The following FRMD4A variants were observed in gnomAD, a reference collection of about 807,000 sequenced individuals.
The protein encoded by FRMD4A is FERM domain-containing protein 4A.
Under a neutral mutation model 129.1 loss-of-function variants are expected in FRMD4A, and 29 were observed. The observed-to-expected ratio is 0.22, with a 90% CI of 0.17 to 0.31. The LOEUF (loss-of-function observed/expected upper bound fraction) is 0.31. FRMD4A is among the 10% of genes least tolerant of loss of function. The probability of loss-of-function intolerance (pLI) is 1.00; values close to 1 mark genes in which losing one functional copy is unlikely to be tolerated. For synonymous variants in FRMD4A, 634 were observed against 571.6 expected (o/e 1.11, Z -1.56); for missense variants, 1,272 against 1,375.8 (o/e 0.92, Z 1.19).
chr10:14,307,029 A>G (rs1846377272), intron 2 of FRMD4A, among the ~76,000 whole-genome samples: 1 of 152,234 alleles, frequency 6.6e-6, no homozygotes, highest in Non-Finnish European at 1.5e-5. Context: ...TGCAAAACAT[A>G]TGAAATGCAA....
chr10:14,277,994 C>T (rs935994264), intron 2 of FRMD4A, among the ~76,000 whole-genome samples: 1 of 152,152 alleles, frequency 6.6e-6, no homozygotes, highest in Non-Finnish European at 1.5e-5. Flanking sequence ...TGCTCAGTTC[C>T]CCCAGTGCCT....
intron 2 of FRMD4A, among the ~76,000 whole-genome samples, chr10:14,129,312 C>T (rs936479435): frequency 3.5e-5 from 5 of 144,882 alleles, no homozygotes; most frequent in Admixed American, 2.1e-4. Flanking sequence ...ACAAAAAAAT[C>T]GCTCTGAGAG....
intron 2 of FRMD4A, among the ~76,000 whole-genome samples, chr10:14,162,828 G>A (rs945133655): frequency 6.6e-6 from 1 of 151,960 alleles, no homozygotes; most frequent in African/African-American, 2.4e-5. Context: ...CCAGGATGAC[G>A]TGCCCAAGAG....
intron 2 of FRMD4A, among the ~76,000 whole-genome samples, chr10:13,969,104 G>T (rs960161835): frequency 1.3e-4 from 20 of 152,334 alleles, no homozygotes; most frequent in Non-Finnish European, 2.4e-4. Flanking sequence ...CCCCAGCCTG[G>T]TCTTGCTCTG....
chr10:13,878,689 G>T (rs571397758), intron 2 of FRMD4A, among the ~76,000 whole-genome samples: 24 of 152,100 alleles, frequency 1.6e-4, no homozygotes, highest in African/African-American at 2.9e-4. Flanking sequence ...GGAGGCGGAG[G>T]TTGCAGTGAG....
chr10:13,780,939 C>T (rs1226535124), intron 6 of FRMD4A, among the ~76,000 whole-genome samples: 4 of 152,044 alleles, frequency 2.6e-5, no homozygotes, highest in Non-Finnish European at 5.9e-5. Context: ...GGAAATAACC[C>T]GTGCCTTTTG....
At chr10:14,001,354 C>G (rs534265387) in intron 2 of FRMD4A, among the ~76,000 whole-genome samples, 3 of 152,192 alleles carry the variant, frequency 2.0e-5, no homozygotes, top group African/African-American at 7.2e-5. Flanking sequence ...ACAAGCTATT[C>G]AAAGAAGAGA....
intron 5 of FRMD4A, among the ~76,000 whole-genome samples, chr10:13,793,586 G>A (rs61833391): frequency 0.18 from 27,697 of 152,174 alleles, 2,820 homozygotes; most frequent in East Asian, 0.27. Context: ...TGAGGAATCT[G>A]GGAGTCAGGC....
chr10:13,657,346 G>A lies in FRMD4A; in HGVS notation c.2243C>T (p.Ser748Leu). The A allele has an allele frequency of 3.1e-6, 5 of 1,609,644 alleles. No homozygotes were observed. Among genetic ancestry groups the A allele is most frequent in the South Asian group, 2.2e-5 (2 of 90,944 alleles). The change falls in exon 22 of 25, where the codon TCG becomes TTG. Residue 748 changes from serine (S) to leucine (L), a missense_variant. By Grantham distance (145) the Ser-to-Leu change is moderately radical. This residue lies in a region of FRMD4A where 972 missense variants were observed against 892.3 expected (regional missense o/e 1.09). Transcript: ENST00000357447. ...SNGSDPMDDC[S>L]SCTSHSSSEH... ...CGAGCTCGAGTGGCTGGTGCACGAC[G>A]AGCAGTCGTCCATGGGGTCTGAGCC...
chr10:14,274,699 C>T (rs961098787), intron 2 of FRMD4A, among the ~76,000 whole-genome samples: 5 of 152,114 alleles, frequency 3.3e-5, no homozygotes, highest in Non-Finnish European at 7.4e-5. Context: ...GAGGAGGATC[C>T]TCTCCCACCT....
chr10:13,770,033 T>C (rs2092411895), intron 6 of FRMD4A, among the ~76,000 whole-genome samples: 1 of 152,176 alleles, frequency 6.6e-6, no homozygotes, highest in Admixed American at 6.5e-5. Flanking sequence ...TGTATATCTA[T>C]ATATATCCTA....
chr10:13,895,119 G>A (rs2094742758), intron 2 of FRMD4A, among the ~76,000 whole-genome samples: 1 of 152,202 alleles, frequency 6.6e-6, no homozygotes, highest in South Asian at 2.1e-4. Context: ...AGGGGTACAC[G>A]TGCAGGTTTG....
intron 2 of FRMD4A, among the ~76,000 whole-genome samples, chr10:14,193,599 G>A (rs1842386346): frequency 6.6e-6 from 1 of 151,084 alleles, no homozygotes; most frequent in South Asian, 2.1e-4. Flanking sequence ...GGGCAAAGAG[G>A]AGACCAGAAA....
Position 14,275,491 on chromosome 10 carries a change from G to T in FRMD4A, c.45+54567C>A, listed in dbSNP as rs61173200. Among the ~76,000 whole-genome samples the T allele has an allele frequency of 2.2e-3, 333 of 152,280 alleles. 1 individual carries two copies. Among genetic ancestry groups the T allele is most frequent in the African/African-American group, 7.7e-3 (321 of 41,550 alleles). On this transcript the variant is annotated intron_variant, in intron 2 of 24. Coordinates refer to ENST00000357447, the MANE Select transcript of FRMD4A (RefSeq NM_018027.5). ...TTGGTGGCTATCTGAATATTTTAAG[G>T]CTAGGCACAAATGTTAGGCAGTGCA...
intron 2 of FRMD4A, among the ~76,000 whole-genome samples, chr10:13,886,958 G>C (rs566111739): frequency 6.6e-6 from 1 of 152,346 alleles, no homozygotes; most frequent in South Asian, 2.1e-4. Flanking sequence ...ACATGTGAAT[G>C]TAAGTCAGAG....
At chr10:14,198,370 A>G (rs918969554) in intron 2 of FRMD4A, among the ~76,000 whole-genome samples, 1 of 152,218 alleles carries the variant, frequency 6.6e-6, no homozygotes, top group African/African-American at 2.4e-5. Context: ...GCTACTAGGC[A>G]GCGGCACATG....
chr10:14,007,935 A>T, intron 2 of FRMD4A: 1 of 1,135,210 alleles, frequency 8.8e-7, no homozygotes, highest in African/African-American at 1.6e-5. Flanking sequence ...ATAGTATTCT[A>T]CAGTCCCAGG....
chr10:14,293,461 A>C (rs1358622296), intron 2 of FRMD4A, among the ~76,000 whole-genome samples: 1 of 152,216 alleles, frequency 6.6e-6, no homozygotes, highest in Non-Finnish European at 1.5e-5. Context: ...GACATACAAC[A>C]AACTGGGAGT....
chr10:14,126,822 G>C (rs1362933824), intron 2 of FRMD4A, among the ~76,000 whole-genome samples: 1 of 144,138 alleles, frequency 6.9e-6, no homozygotes, highest in Non-Finnish European at 1.5e-5. Flanking sequence ...AAATCAATAG[G>C]AATGTGCCTC....
Sources: allele counts gnomAD v4.1 joint callset (sites outside exome capture counted in the v4.1 genomes callset), GRCh38; gene constraint gnomAD v4.1.1; regional missense constraint gnomAD v4.1.1; transcripts MANE v1.5; gene names NCBI Gene and HGNC (gene_info 2026-07-23, HGNC 2026-07-21).